The following UBE2F variants were observed in gnomAD, a reference collection of about 807,000 sequenced individuals.
The protein encoded by UBE2F is ubiquitin conjugating enzyme E2 F (putative), also known as NEDD8-conjugating enzyme UBE2F.
A neutral mutation model predicts 29.6 loss-of-function variants in UBE2F; 5 were observed. The observed-to-expected ratio is 0.17, with a 90% CI of 0.09 to 0.36. The LOEUF (loss-of-function observed/expected upper bound fraction) is 0.36. UBE2F is among the 10% of genes least tolerant of loss of function. The pLI is 1.00. For synonymous variants in UBE2F, 66 were observed against 81.8 expected (o/e 0.81, Z 1.04); for missense variants, 141 against 228.5 (o/e 0.62, Z 2.47).
chr2:237,989,768 G>A (rs1337135048), intron 3 of UBE2F, among the ~76,000 whole-genome samples: 1 of 152,154 alleles, frequency 6.6e-6, no homozygotes, highest in African/African-American at 2.4e-5. Context: ...TGGATTGCTT[G>A]ACCTCAAAGT....
intron 3 of UBE2F, among the ~76,000 whole-genome samples, chr2:237,991,084 C>G (rs1307242815): frequency 6.6e-6 from 1 of 152,050 alleles, no homozygotes; most frequent in South Asian, 2.1e-4. Flanking sequence ...TAACTGCATA[C>G]CTTAGGTTTG....
chr2:238,013,043 A>G (rs2106378711), intron 4 of UBE2F, among the ~76,000 whole-genome samples: 1 of 152,284 alleles, frequency 6.6e-6, no homozygotes, highest in Middle Eastern at 3.4e-3. Context: ...TGGGGAGGCC[A>G]AGATGGGCAG....
rs374532743 is a variant in UBE2F at position 238,011,019 on chromosome 2, C to T, written c.215-5547C>T. Among the ~76,000 whole-genome samples, 74 of 152,186 alleles carry T rather than the reference C, an allele frequency of 4.9e-4. 2 individuals carry two copies. Among genetic ancestry groups the T allele is most frequent in the African/African-American group, 1.8e-3 (74 of 41,430 alleles). ...CTGCCTTCAAAATCTGTCTACTTCA[C>T]CTGCTCCCACCCTGATCCTAACCAT... On this transcript the variant is annotated intron_variant, in intron 4 of 9. Transcript: ENST00000272930.
In UBE2F at chr2:237,981,864, C is replaced by T. The variant is rs116361289; in HGVS notation, c.119-6099C>T. Among the ~76,000 whole-genome samples the T allele has an allele frequency of 8.9e-3, 1,348 of 152,026 alleles. 15 individuals are homozygous for T. Among genetic ancestry groups the T allele is most frequent in the African/African-American group, 0.031 (1,286 of 41,452 alleles). The stretch of plus-strand genomic sequence containing the variant: ...CTGGTCTCAAACTCCTGAGCTCATG[C>T]GATCTGCCCTTCTCAGCCTCCCAAA... On this transcript the variant is annotated intron_variant, in intron 2 of 9. Coordinates refer to ENST00000272930, the MANE Select transcript of UBE2F (RefSeq NM_080678.3).
chr2:238,033,239 C>T (rs1017682883), intron 8 of UBE2F, among the ~76,000 whole-genome samples: 1 of 152,230 alleles, frequency 6.6e-6, no homozygotes, highest in African/African-American at 2.4e-5. Flanking sequence ...AATAGCATTT[C>T]TCAGACAATG....
chr2:238,019,821 G>A (rs566261573), intron 5 of UBE2F, among the ~76,000 whole-genome samples: 12 of 151,710 alleles, frequency 7.9e-5, no homozygotes, highest in African/African-American at 2.9e-4. Context: ...CACCACACCC[G>A]GCTAATTTTT....
chr2:238,030,520 G>C (rs1266320592), intron 6 of UBE2F, 36 bp from the exon 7 acceptor site: 1 of 1,563,496 alleles, frequency 6.4e-7, no homozygotes, highest in Admixed American at 1.7e-5. Context: ...ACCTGTGGCT[G>C]CTCCTCACTA....
At chr2:237,968,934 T>C in intron 1 of UBE2F, 1 of 700,822 alleles carries the variant, frequency 1.4e-6, no homozygotes, top group Non-Finnish European at 1.8e-6. Flanking sequence ...TCTTGACAGT[T>C]TGAAGACTTA....
At chr2:238,022,575 C>T (rs1217630913) in intron 5 of UBE2F, among the ~76,000 whole-genome samples, 1 of 152,152 alleles carries the variant, frequency 6.6e-6, no homozygotes, top group Non-Finnish European at 1.5e-5. Flanking sequence ...TTAAAGCAGC[C>T]TTCAGACCCC....
At chr2:237,990,902 C>T (rs1357850340) in intron 3 of UBE2F, among the ~76,000 whole-genome samples, 3 of 152,136 alleles carry the variant, frequency 2.0e-5, no homozygotes, top group African/African-American at 7.2e-5. Flanking sequence ...AGGCACGAGC[C>T]ACTGTGCATG....
At chr2:238,012,516 A>G (rs1167629259) in intron 4 of UBE2F, among the ~76,000 whole-genome samples, 8 of 152,202 alleles carry the variant, frequency 5.3e-5, no homozygotes, top group South Asian at 2.1e-4. Context: ...ATGTATACCA[A>G]TGTAGTATTT....
intron 2 of UBE2F, among the ~76,000 whole-genome samples, chr2:237,981,614 C>CTTTTT (rs139270010): frequency 3.2e-5 from 2 of 62,394 alleles, no homozygotes; most frequent in Non-Finnish European, 5.5e-5. Context: ...AATTTGAATT[C>CTTTTT]TTTTTTTTTT....
At chr2:238,004,835 T>C (rs979358564) in intron 4 of UBE2F, among the ~76,000 whole-genome samples, 6 of 152,234 alleles carry the variant, frequency 3.9e-5, no homozygotes, top group Admixed American at 2.0e-4. Flanking sequence ...GATGTGACAA[T>C]GGAAGCAGGA....
At chr2:237,971,410 C>T (rs2063173635) in intron 1 of UBE2F, among the ~76,000 whole-genome samples, 2 of 152,170 alleles carry the variant, frequency 1.3e-5, no homozygotes, top group South Asian at 4.1e-4. Flanking sequence ...GCAACCTCTG[C>T]CTCCCGGCTT....
At chr2:237,991,391 C>T (rs1016007422) in intron 3 of UBE2F, among the ~76,000 whole-genome samples, 8 of 152,154 alleles carry the variant, frequency 5.3e-5, no homozygotes, top group Non-Finnish European at 8.8e-5. Flanking sequence ...AGTAACTATT[C>T]GGAACTAGTT....
At position 238,037,370 on chromosome 2, in the gene UBE2F, G is replaced by C. The variant is rs913337459; in HGVS notation, c.507+1430G>C. On this transcript the variant is annotated intron_variant, in intron 9 of 9. Coordinates refer to ENST00000272930, the MANE Select transcript of UBE2F (RefSeq NM_080678.3). ...ATAAAAGAAAGCATACAAGCCTTGA[G>C]GAGGGGAAGTGCTGTCAGGAAAGGG... is the stretch of plus-strand genomic sequence containing the variant. Among the ~76,000 whole-genome samples the C allele has an allele frequency of 1.3e-5, 2 of 152,258 alleles. 1 individual carries two copies. Among genetic ancestry groups the C allele is most frequent in the Admixed American group, 1.3e-4 (2 of 15,290 alleles).
Position 237,967,100 on chromosome 2 carries a change from C to A in UBE2F, c.-49C>A. ...CCCGGACCGGGCATGGTGTTGGGCG[C>A]CGGGCCCGCCTCGCCTGTCTCGGGG... On this transcript the variant is annotated 5_prime_UTR_variant, in exon 1 of 10. Transcript: ENST00000272930. This position sits in a 1 kb window ranked among gnomAD's most constrained non-coding sequence, Gnocchi z 6.3. 1 of 1,346,538 alleles carries A rather than the reference C, an allele frequency of 7.4e-7. No individual in the cohort carries two copies. The allele number at this position is 1,346,538 out of a possible 1,614,324, so 83.4% of individuals were successfully genotyped here.
chr2:237,972,648 T>A (rs2063200684), intron 1 of UBE2F, among the ~76,000 whole-genome samples: 1 of 143,216 alleles, frequency 7.0e-6, no homozygotes. Context: ...TCTCCCAGGC[T>A]CAAGGGATCC....
intron 4 of UBE2F, among the ~76,000 whole-genome samples, chr2:237,997,876 A>G (rs2063721659): frequency 6.6e-6 from 1 of 152,262 alleles, no homozygotes; most frequent in African/African-American, 2.4e-5. Flanking sequence ...AAGCGTCCAC[A>G]TCATCTCGCA....
Sources: allele counts gnomAD v4.1 joint callset (sites outside exome capture counted in the v4.1 genomes callset), GRCh38; gene constraint gnomAD v4.1.1; non-coding constraint Gnocchi (gnomAD v3.1); transcripts MANE v1.5; gene names NCBI Gene and HGNC (gene_info 2026-07-23, HGNC 2026-07-21).